EHD4: variants seen among roughly 807,000 people sequenced by gnomAD.
EHD4 encodes the protein EH domain containing 4.
Under a neutral mutation model 51.0 loss-of-function variants are expected in EHD4, and 37 were observed. The observed-to-expected ratio is 0.73, with a 90% CI of 0.56 to 0.95. The LOEUF (loss-of-function observed/expected upper bound fraction) is 0.95, where lower values mean the gene tolerates loss of function less well. Among genes scored for constraint, EHD4 ranks in the 40% least tolerant of loss-of-function variants. The pLI is 0.00. For synonymous variants in EHD4, 297 were observed against 317.3 expected (o/e 0.94, Z 0.68); for missense variants, 632 against 733.1 (o/e 0.86, Z 1.59).
chr15:41,917,221 A>G (rs1199316887), intron 4 of EHD4, among the ~76,000 whole-genome samples: 1 of 151,986 alleles, frequency 6.6e-6, no homozygotes, highest in Non-Finnish European at 1.5e-5. Context: ...CCTGGGTTCA[A>G]GCGATTCTCC....
Position 41,953,950 on chromosome 15 carries a change from G to A in EHD4, c.237-10C>T, listed in dbSNP as rs772120647. 4 of 1,610,082 alleles carry A rather than the reference G, an allele frequency of 2.5e-6. No individual in the cohort carries two copies. In the Admixed American group the frequency reaches 5.1e-5, roughly 20 times the overall value. On this transcript the variant is annotated splice_polypyrimidine_tract_variant and intron_variant, in intron 1 of 5. Transcript: ENST00000220325. ...CTGCTCCAGTAGGTATCTGGGAGAG[G>A]GAAGAAGAAGAGAAAGCTTAGCATC... is the stretch of plus-strand genomic sequence containing the variant.
intron 4 of EHD4, among the ~76,000 whole-genome samples, chr15:41,914,702 A>G (rs1449036020): frequency 6.6e-6 from 1 of 152,070 alleles, no homozygotes; most frequent in Admixed American, 6.6e-5. Flanking sequence ...CAGGATCTTC[A>G]TGATCCATTA....
chr15:41,937,532 G>A (rs1034457647), intron 3 of EHD4, among the ~76,000 whole-genome samples: 1 of 152,182 alleles, frequency 6.6e-6, no homozygotes, highest in South Asian at 2.1e-4. Flanking sequence ...GACACATAGA[G>A]CAATGGAAGG....
At chr15:41,909,550 C>T in intron 5 of EHD4, 149 bp downstream of exon 5, 1 of 943,740 alleles carries the variant, frequency 1.1e-6, no homozygotes. Flanking sequence ...CTGCTTTATT[C>T]ATAGCCTATT....
chr15:41,915,248 GA>G (rs1472144357), intron 4 of EHD4, among the ~76,000 whole-genome samples: 5 of 152,178 alleles, frequency 3.3e-5, no homozygotes, highest in African/African-American at 4.8e-5. Context: ...TTGTCATTTT[GA>G]TGACATTTAG....
chr15:41,922,027 C>A (rs1025226), intron 3 of EHD4, among the ~76,000 whole-genome samples: 22,065 of 152,164 alleles, frequency 0.15, 2,679 homozygotes, highest in African/African-American at 0.33. Flanking sequence ...AATCCTGTGA[C>A]AAATTCTCCA....
chr15:41,913,421 G>A (rs546128125), intron 4 of EHD4, among the ~76,000 whole-genome samples: 1 of 152,326 alleles, frequency 6.6e-6, no homozygotes, highest in African/African-American at 2.4e-5. Flanking sequence ...AAAGAGAAGA[G>A]GGGGACTAGA....
chr15:41,950,339 T>G (rs1302818438), intron 2 of EHD4, among the ~76,000 whole-genome samples: 4 of 152,220 alleles, frequency 2.6e-5, no homozygotes, highest in African/African-American at 4.8e-5. Context: ...AAGCCAGCAC[T>G]CCTTAAGGAG....
At chr15:41,950,494 G>A (rs78085832) in intron 2 of EHD4, among the ~76,000 whole-genome samples, 2,579 of 152,320 alleles carry the variant, frequency 0.017, 87 homozygotes, top group African/African-American at 0.059. Flanking sequence ...GTGAAAAGAG[G>A]TTTGCCTCTA....
At chr15:41,943,229 C>T (rs1478452517) in intron 2 of EHD4, 65 bp from the exon 3 acceptor site, 2 of 1,304,838 alleles carry the variant, frequency 1.5e-6, no homozygotes, top group Non-Finnish European at 2.1e-6. Flanking sequence ...AACCATGGGG[C>T]TTCTTGGCCT....
intron 1 of EHD4, among the ~76,000 whole-genome samples, chr15:41,957,568 T>C (rs1296271929): frequency 6.6e-6 from 1 of 152,158 alleles, no homozygotes; most frequent in Non-Finnish European, 1.5e-5. Context: ...CATGGCTTGT[T>C]GCTGGTCAAA....
chr15:41,906,844 C>G (rs1035469478), intron 5 of EHD4, among the ~76,000 whole-genome samples: 8 of 152,188 alleles, frequency 5.3e-5, no homozygotes, highest in Non-Finnish European at 1.0e-4. Flanking sequence ...TGGCTGGATC[C>G]TGCACTTGCT....
chr15:41,908,906 C>T (rs2067530345), intron 5 of EHD4, among the ~76,000 whole-genome samples: 2 of 152,248 alleles, frequency 1.3e-5, no homozygotes, highest in South Asian at 4.1e-4. Context: ...CTGCAGGCAT[C>T]TGAGTTTGTG....
At chr15:41,904,799 T>C (rs1488652546) in intron 5 of EHD4, among the ~76,000 whole-genome samples, 1 of 152,164 alleles carries the variant, frequency 6.6e-6, no homozygotes, top group Non-Finnish European at 1.5e-5. Flanking sequence ...GCCCTTCGGG[T>C]GCTCATCTTG....
intron 4 of EHD4, among the ~76,000 whole-genome samples, chr15:41,918,584 G>T (rs888126609): frequency 6.6e-6 from 1 of 152,210 alleles, no homozygotes; most frequent in African/African-American, 2.4e-5. Context: ...CACTCCTGGG[G>T]CTGCTGAAAG....
chr15:41,957,330 CTAAA>C (rs762388174), intron 1 of EHD4, among the ~76,000 whole-genome samples: 8 of 152,136 alleles, frequency 5.3e-5, no homozygotes, highest in African/African-American at 9.6e-5. Flanking sequence ...GACCCTGTCT[CTAAA>C]TAAATAAAGA....
intron 1 of EHD4, among the ~76,000 whole-genome samples, chr15:41,954,367 G>A (rs1453092580): frequency 6.6e-6 from 1 of 152,168 alleles, no homozygotes; most frequent in Non-Finnish European, 1.5e-5. Context: ...CGTCTTATAA[G>A]CCTTGAAGGG....
intron 1 of EHD4, among the ~76,000 whole-genome samples, chr15:41,965,629 G>A (rs2067956797): frequency 6.6e-6 from 1 of 152,208 alleles, no homozygotes. Context: ...GGAGGTCTGA[G>A]GTGGGGCCCT....
intron 4 of EHD4, among the ~76,000 whole-genome samples, chr15:41,912,626 C>T (rs575243883): frequency 6.6e-6 from 1 of 152,166 alleles, no homozygotes; most frequent in East Asian, 1.9e-4. Flanking sequence ...ACCCGGGAGG[C>T]AGAGGTCACA....
Sources: allele counts gnomAD v4.1 joint callset (sites outside exome capture counted in the v4.1 genomes callset), GRCh38; gene constraint gnomAD v4.1.1; transcripts MANE v1.5; gene names NCBI Gene and HGNC (gene_info 2026-07-23, HGNC 2026-07-21).